The following GPC5 variants were observed in gnomAD, a reference collection of about 807,000 sequenced individuals.
GPC5 encodes glypican-5.
A neutral mutation model predicts 53.9 loss-of-function variants in GPC5; 47 were observed. The observed-to-expected ratio is 0.87, with a 90% CI of 0.69 to 1.11. The LOEUF (loss-of-function observed/expected upper bound fraction) is 1.11, where lower values mean the gene tolerates loss of function less well. GPC5 is among the 50% of genes most tolerant of loss of function. The probability of loss-of-function intolerance (pLI) is 0.00; values close to 1 mark genes in which losing one functional copy is unlikely to be tolerated. For synonymous variants in GPC5, 286 were observed against 263.3 expected (o/e 1.09, Z -0.84); for missense variants, 748 against 713.1 (o/e 1.05, Z -0.56).
At chr13:91,809,709 A>C (rs2038280109) in intron 5 of GPC5, among the ~76,000 whole-genome samples, 1 of 152,054 alleles carries the variant, frequency 6.6e-6, no homozygotes, top group African/African-American at 2.4e-5. Flanking sequence ...TTTTTTTAAT[A>C]AAGAGAAATT....
At chr13:92,719,562 A>C (rs980319442) in intron 7 of GPC5, among the ~76,000 whole-genome samples, 9 of 152,192 alleles carry the variant, frequency 5.9e-5, no homozygotes, top group African/African-American at 2.2e-4. Flanking sequence ...AACCTATTTT[A>C]AACATTTTAC....
intron 5 of GPC5, among the ~76,000 whole-genome samples, chr13:91,773,945 A>C (rs1170032870): frequency 2.0e-5 from 3 of 152,200 alleles, no homozygotes; most frequent in Non-Finnish European, 4.4e-5. Context: ...TTATCTTAAA[A>C]AGTTCTTAAT....
chr13:92,331,933 C>A (rs899887981), intron 7 of GPC5, among the ~76,000 whole-genome samples: 4 of 151,946 alleles, frequency 2.6e-5, no homozygotes, highest in African/African-American at 7.3e-5. Context: ...AAATGGAGCC[C>A]TGGATAAAAT....
chr13:92,611,883 T>C (rs1166291114), intron 7 of GPC5, among the ~76,000 whole-genome samples: 1 of 152,094 alleles, frequency 6.6e-6, no homozygotes, highest in Non-Finnish European at 1.5e-5. Flanking sequence ...GCCATACGAT[T>C]CCAAATGTTT....
chr13:92,028,722 CT>C (rs1484589091), intron 6 of GPC5, among the ~76,000 whole-genome samples: 5 of 152,130 alleles, frequency 3.3e-5, no homozygotes, highest in Non-Finnish European at 5.9e-5. Context: ...TCTACTAACT[CT>C]TTTGAATATC....
intron 6 of GPC5, among the ~76,000 whole-genome samples, chr13:92,018,106 C>T (rs2040724931): frequency 6.6e-6 from 1 of 152,076 alleles, no homozygotes; most frequent in African/African-American, 2.4e-5. Context: ...GGAGCAAATT[C>T]TCAGAATTGC....
intron 7 of GPC5, among the ~76,000 whole-genome samples, chr13:92,516,341 A>G (rs569674874): frequency 6.6e-6 from 1 of 152,286 alleles, no homozygotes; most frequent in Non-Finnish European, 1.5e-5. Context: ...GTTGTTTTTT[A>G]TTAAACTATA....
intron 7 of GPC5, among the ~76,000 whole-genome samples, chr13:92,220,679 C>T (rs531449165): frequency 6.6e-6 from 1 of 152,220 alleles, no homozygotes; most frequent in Non-Finnish European, 1.5e-5. Context: ...ATTTGTGTAT[C>T]TTTTAAGATA....
At chr13:91,713,285 A>G (rs2036267973) in intron 3 of GPC5, among the ~76,000 whole-genome samples, 1 of 152,176 alleles carries the variant, frequency 6.6e-6, no homozygotes, top group African/African-American at 2.4e-5. Flanking sequence ...CTAAACTTAT[A>G]TTTATGAAAA....
At chr13:92,783,763 C>T (rs1175184497) in intron 7 of GPC5, among the ~76,000 whole-genome samples, 1 of 152,046 alleles carries the variant, frequency 6.6e-6, no homozygotes, top group Non-Finnish European at 1.5e-5. Context: ...TAAAGGTGAT[C>T]CCATATGACA....
chr13:92,103,447 AC>A (rs1248284346), intron 6 of GPC5, among the ~76,000 whole-genome samples: 2 of 152,162 alleles, frequency 1.3e-5, no homozygotes, highest in African/African-American at 4.8e-5. Flanking sequence ...CTTCTTTTAA[AC>A]AAACATACTT....
chr13:91,479,574 A>G (rs576386264), intron 2 of GPC5, among the ~76,000 whole-genome samples: 2 of 152,172 alleles, frequency 1.3e-5, no homozygotes, highest in Non-Finnish European at 2.9e-5. Context: ...TAGTCTACTT[A>G]AAGTTTTTTT....
chr13:92,746,536 T>C (rs1239823248), intron 7 of GPC5, among the ~76,000 whole-genome samples: 1 of 152,070 alleles, frequency 6.6e-6, no homozygotes, highest in African/African-American at 2.4e-5. Flanking sequence ...TTAATACAGG[T>C]TTCTCTGTCT....
intron 5 of GPC5, among the ~76,000 whole-genome samples, chr13:91,795,644 C>T (rs565229456): frequency 1.3e-4 from 20 of 152,248 alleles, no homozygotes; most frequent in Admixed American, 6.5e-4. Context: ...TTACTTACAC[C>T]TTTATTTTCT....
At position 91,535,395 on chromosome 13, in the gene GPC5, C is replaced by T. The variant is rs556683261; in HGVS notation, c.325+86473C>T. On this transcript the variant is annotated intron_variant, in intron 2 of 7. Transcript: ENST00000377067. ...GTGTTGTATTAGGAAGCTTGAGGAA[C>T]GTGTCATGAAGATAAAAATTTTCGA... Among the ~76,000 whole-genome samples, 14 of 152,280 alleles carry T rather than the reference C, an allele frequency of 9.2e-5. No homozygotes were observed. In the South Asian group the frequency reaches 1.2e-3, roughly 14 times the overall value.
chr13:91,674,677 T>C (rs755937406), intron 2 of GPC5, among the ~76,000 whole-genome samples: 14 of 147,110 alleles, frequency 9.5e-5, no homozygotes, highest in Non-Finnish European at 1.9e-4. Context: ...CGCATATATA[T>C]GCGTATGTGT....
intron 7 of GPC5, among the ~76,000 whole-genome samples, chr13:92,146,317 A>C (rs2041867193): frequency 6.6e-6 from 1 of 152,112 alleles, no homozygotes; most frequent in Admixed American, 6.6e-5. Context: ...GGATGTAAGA[A>C]AATAAAGACA....
chr13:91,819,007 A>G (rs2038445514), intron 5 of GPC5, among the ~76,000 whole-genome samples: 1 of 152,094 alleles, frequency 6.6e-6, no homozygotes, highest in Admixed American at 6.6e-5. Flanking sequence ...TGTAAACAAC[A>G]TCAAGTTAGA....
chr13:92,023,695 C>CA (rs1491217058), intron 6 of GPC5, among the ~76,000 whole-genome samples: 11 of 42,966 alleles, frequency 2.6e-4, no homozygotes, highest in Middle Eastern at 0.012. Context: ...CACACACACA[C>CA]TCTCTCTCTC....
Sources: gnomAD v4.1 joint callset for allele counts (sites outside exome capture counted in the v4.1 genomes callset) on GRCh38, gnomAD v4.1.1 for gene constraint, MANE v1.5 for transcripts, NCBI Gene and HGNC (gene_info 2026-07-23, HGNC 2026-07-21) for gene names.